TRIQK: variants seen among roughly 807,000 people sequenced by gnomAD.
The protein encoded by TRIQK is triple QxxK/R motif-containing protein.
TRIQK carries 10 observed loss-of-function variants against 10.8 expected under a neutral mutation model. The ratio of observed to expected loss-of-function variants is 0.92; its 90% CI spans 0.57 to 1.57. TRIQK has a LOEUF of 1.57. Among genes scored for constraint, TRIQK ranks in the 40% most tolerant of loss-of-function variants. The probability of loss-of-function intolerance (pLI) is 0.00; values close to 1 mark genes in which losing one functional copy is unlikely to be tolerated. For missense variants in TRIQK, 107 were observed against 97.7 expected, an observed-to-expected ratio of 1.09 and a Z score of -0.40; for synonymous variants, 33 against 33.7, an observed-to-expected ratio of 0.98 and a Z score of 0.07.
rs1217383877 is a variant in TRIQK, at chr8:92,941,722, C to G, written c.-22+12684G>C. ...ACATTTTTAAAAAAGAGAAAAGACTCAAATAAATTAATGATGGAAAAGAAG... is the reference window on the plus strand; with the variant it reads ...ACATTTTTAAAAAAGAGAAAAGACTGAAATAAATTAATGATGGAAAAGAAG... On this transcript the variant is annotated intron_variant, in intron 2 of 4. Coordinates refer to ENST00000521988, the MANE Select transcript of TRIQK (RefSeq NM_001171797.2). Among the ~76,000 whole-genome samples the G allele has an allele frequency of 2.0e-5, 3 of 151,822 alleles. No homozygotes were observed. The East Asian group carries it at 5.8e-4, about 29-fold the overall frequency.
intron 1 of TRIQK, among the ~76,000 whole-genome samples, chr8:92,980,222 A>AAT (rs1315112266): frequency 6.6e-6 from 1 of 152,056 alleles, no homozygotes; most frequent in African/African-American, 2.4e-5. Flanking sequence ...TTTCATTGTT[A>AAT]ATATATATTA....
chr8:92,975,743 C>A (rs1213252398), intron 1 of TRIQK, among the ~76,000 whole-genome samples: 1 of 151,372 alleles, frequency 6.6e-6, no homozygotes, highest in Non-Finnish European at 1.5e-5. Context: ...GTTTTAGTTA[C>A]TTTAGATAGA....
At chr8:93,008,550 A>G (rs1813297103) in intron 1 of TRIQK, among the ~76,000 whole-genome samples, 1 of 152,204 alleles carries the variant, frequency 6.6e-6, no homozygotes, top group African/African-American at 2.4e-5. Context: ...ATCTTCAAAA[A>G]GAACAAAAGT....
intron 3 of TRIQK, among the ~76,000 whole-genome samples, chr8:92,911,291 A>T (rs987688926): frequency 1.3e-5 from 2 of 151,532 alleles, no homozygotes; most frequent in East Asian, 3.9e-4. Context: ...AGAAGAGATA[A>T]ATAGAAAGAA....
intron 1 of TRIQK, among the ~76,000 whole-genome samples, chr8:93,005,328 G>T (rs1203773584): frequency 1.3e-5 from 2 of 152,148 alleles, no homozygotes; most frequent in Admixed American, 1.3e-4. Context: ...AACAACCAGA[G>T]CTCATGATAA....
At chr8:92,989,190 T>G (rs1189343517) in intron 1 of TRIQK, among the ~76,000 whole-genome samples, 1 of 152,146 alleles carries the variant, frequency 6.6e-6, no homozygotes, top group African/African-American at 2.4e-5. Context: ...ATTCCCAAAA[T>G]CAAAGTAAAT....
chr8:92,939,638 T>C (rs754245445), intron 2 of TRIQK, among the ~76,000 whole-genome samples: 5 of 152,062 alleles, frequency 3.3e-5, no homozygotes, highest in Admixed American at 6.6e-5. Context: ...CTATACCTAT[T>C]TGACCTGGGA....
At chr8:92,966,998 A>AAAC (rs1192896215), upstream of TRIQK, among the ~76,000 whole-genome samples, 1 of 150,844 alleles carries the variant, frequency 6.6e-6, no homozygotes, top group Non-Finnish European at 1.5e-5. Flanking sequence ...AAAAAAAAAA[A>AAAC]AAAACTGAGA....
At chr8:92,980,941 T>A (rs1812980078) in intron 1 of TRIQK, among the ~76,000 whole-genome samples, 1 of 151,488 alleles carries the variant, frequency 6.6e-6, no homozygotes, top group South Asian at 2.1e-4. Flanking sequence ...CTGGTTTTTC[T>A]AAGTTCTATG....
At chr8:92,935,111 G>A (rs1810916910) in intron 2 of TRIQK, among the ~76,000 whole-genome samples, 1 of 151,600 alleles carries the variant, frequency 6.6e-6, no homozygotes, top group Non-Finnish European at 1.5e-5. Context: ...AATCTGTAAT[G>A]CCTTTCATAA....
In TRIQK at chr8:92,914,982, G is replaced by T. The variant is rs538913924; in HGVS notation, c.61+1947C>A. Among the ~76,000 whole-genome samples the T allele has an allele frequency of 1.2e-4, 19 of 152,170 alleles. No individual in the cohort carries two copies. The South Asian group carries it at 1.9e-3, about 15-fold the overall frequency. Reference sequence around the variant, plus strand: ...CCTAAGTGTCCACAGACAGATGACGGAATCAAGAAATTATTTTATACATAT... The same window carrying T: ...CCTAAGTGTCCACAGACAGATGACGTAATCAAGAAATTATTTTATACATAT... On this transcript the variant is annotated intron_variant, in intron 3 of 4. Transcript: ENST00000521988.
intron 2 of TRIQK, among the ~76,000 whole-genome samples, chr8:92,942,891 C>T (rs575225298): frequency 1.6e-4 from 24 of 152,096 alleles, no homozygotes; most frequent in African/African-American, 5.3e-4. Context: ...GACAGAGTTT[C>T]GCCATGTTGC....
At chr8:92,949,932 C>G (rs1563655650) in intron 2 of TRIQK, among the ~76,000 whole-genome samples, 1 of 152,006 alleles carries the variant, frequency 6.6e-6, no homozygotes, top group Non-Finnish European at 1.5e-5. Flanking sequence ...CTTGATCTCA[C>G]ATTCGTTTTT....
At chr8:92,996,318 G>A (rs1214494082) in intron 1 of TRIQK, among the ~76,000 whole-genome samples, 5 of 151,894 alleles carry the variant, frequency 3.3e-5, no homozygotes, top group African/African-American at 9.7e-5. Context: ...ATTTTCCAAT[G>A]TTCTCATGGC....
chr8:93,009,212 A>G (rs928336976), intron 1 of TRIQK, among the ~76,000 whole-genome samples: 1 of 152,250 alleles, frequency 6.6e-6, no homozygotes, highest in Admixed American at 6.5e-5. Context: ...ACAAATGGAC[A>G]ACAGGTACAT....
At chr8:92,993,545 C>A (rs1813119249) in intron 1 of TRIQK, among the ~76,000 whole-genome samples, 1 of 152,194 alleles carries the variant, frequency 6.6e-6, no homozygotes. Flanking sequence ...GCAGAAAACA[C>A]CCAGATACGC....
intron 2 of TRIQK, among the ~76,000 whole-genome samples, chr8:92,930,646 T>G (rs1810675655): frequency 6.6e-6 from 1 of 152,128 alleles, no homozygotes; most frequent in African/African-American, 2.4e-5. Context: ...GATTCTGAGG[T>G]TCACAAAGGG....
chr8:92,980,097 T>G (rs1241986050), intron 1 of TRIQK, among the ~76,000 whole-genome samples: 2 of 152,086 alleles, frequency 1.3e-5, no homozygotes, highest in African/African-American at 4.8e-5. Context: ...TTTCTGGTAC[T>G]TTATTAAGTT....
intron 3 of TRIQK, among the ~76,000 whole-genome samples, chr8:92,907,679 C>G (rs1194801448): frequency 2.6e-5 from 4 of 151,884 alleles, no homozygotes; most frequent in Non-Finnish European, 5.9e-5. Flanking sequence ...GCTTTTTAAA[C>G]AAAATACTTT....
Sources: allele counts gnomAD v4.1 joint callset (sites outside exome capture counted in the v4.1 genomes callset), GRCh38; gene constraint gnomAD v4.1.1; transcripts MANE v1.5; gene names NCBI Gene and HGNC (gene_info 2026-07-23, HGNC 2026-07-21).